KIF21A: variants seen among roughly 807,000 people sequenced by gnomAD.
The protein encoded by KIF21A is kinesin-like protein KIF21A.
Under a neutral mutation model 202.9 loss-of-function variants are expected in KIF21A, and 114 were observed. The observed-to-expected ratio is 0.56, with a 90% CI of 0.48 to 0.66. KIF21A has a LOEUF of 0.66. Ranked by LOEUF, KIF21A falls within the 30% of genes least tolerant of loss-of-function variation. The pLI is 0.00. For missense variants in KIF21A, 1,677 were observed against 1,994.9 expected, an observed-to-expected ratio of 0.84 and a Z score of 3.04; for synonymous variants, 667 against 670.8, an observed-to-expected ratio of 0.99 and a Z score of 0.09.
intron 1 of KIF21A, among the ~76,000 whole-genome samples, chr12:39,372,001 T>A (rs1273513260): frequency 6.7e-6 from 1 of 149,546 alleles, no homozygotes; most frequent in Non-Finnish European, 1.5e-5. Flanking sequence ...TTTAAAGGAA[T>A]CTGGTCTCAT....
intron 27 of KIF21A, among the ~76,000 whole-genome samples, chr12:39,320,253 C>A (rs1386271515): frequency 2.0e-5 from 3 of 152,088 alleles, no homozygotes; most frequent in Admixed American, 2.0e-4. Context: ...AACTTACTAT[C>A]TTTGAATATA....
chr12:39,328,710 A>G (rs1592173092), intron 24 of KIF21A, among the ~76,000 whole-genome samples: 1 of 152,308 alleles, frequency 6.6e-6, no homozygotes, highest in African/African-American at 2.4e-5. Flanking sequence ...ACCTGTTTGT[A>G]GGCCTCAGGC....
intron 1 of KIF21A, among the ~76,000 whole-genome samples, chr12:39,371,083 T>C (rs973294518): frequency 7.9e-5 from 12 of 152,176 alleles, no homozygotes; most frequent in Non-Finnish European, 1.6e-4. Context: ...AAATAGTTAT[T>C]ATACTGCATT....
At chr12:39,440,882 G>A (rs1021114850) in intron 1 of KIF21A, among the ~76,000 whole-genome samples, 1 of 152,052 alleles carries the variant, frequency 6.6e-6, no homozygotes, top group Admixed American at 6.5e-5. Flanking sequence ...AAGCAGTGTG[G>A]CACATGCCTG....
At position 39,355,188 on chromosome 12, in the gene KIF21A, T is replaced by C. The variant is rs548532173; in HGVS notation, c.1469+1644A>G. ...ACTCAGAGCCCATGAGTCATCTCTGTTCTCTAAATGGCTTAAGGAAGGAAT... is the reference window on the plus strand; with the variant it reads ...ACTCAGAGCCCATGAGTCATCTCTGCTCTCTAAATGGCTTAAGGAAGGAAT... On this transcript the variant is annotated intron_variant, in intron 10 of 37. Transcript: ENST00000361418. Among the ~76,000 whole-genome samples the C allele has an allele frequency of 2.0e-5, 3 of 152,282 alleles. No homozygotes were observed. In the East Asian group the frequency reaches 5.8e-4, roughly 29 times the overall value.
chr12:39,379,241 T>G (rs1237076845), intron 1 of KIF21A, among the ~76,000 whole-genome samples: 1 of 151,466 alleles, frequency 6.6e-6, no homozygotes, highest in African/African-American at 2.4e-5. Context: ...CGCTTGAGAA[T>G]TGCTTGAACA....
intron 1 of KIF21A, among the ~76,000 whole-genome samples, chr12:39,436,874 TAAC>T (rs1378829417): frequency 2.6e-5 from 4 of 152,184 alleles, no homozygotes; most frequent in Admixed American, 1.3e-4. Context: ...GCAGTGAAAA[TAAC>T]AACAACTTTG....
intron 16 of KIF21A, among the ~76,000 whole-genome samples, chr12:39,338,366 G>A (rs959965150): frequency 1.3e-5 from 2 of 152,040 alleles, no homozygotes; most frequent in African/African-American, 4.8e-5. Flanking sequence ...TTTCAAAAGA[G>A]TCAAAAAGTT....
At chr12:39,316,572 T>C (rs562808893) in intron 29 of KIF21A, among the ~76,000 whole-genome samples, 1 of 152,178 alleles carries the variant, frequency 6.6e-6, no homozygotes, top group South Asian at 2.1e-4. Flanking sequence ...TCACTTCTGT[T>C]AGCCCTACCT....
chr12:39,418,110 A>T (rs556331083), intron 1 of KIF21A, among the ~76,000 whole-genome samples: 6 of 152,116 alleles, frequency 3.9e-5, no homozygotes, highest in African/African-American at 7.2e-5. Flanking sequence ...CATGGCGCTA[A>T]GGCAGGAGGA....
chr12:39,417,257 G>A (rs868599506), intron 1 of KIF21A, among the ~76,000 whole-genome samples: 13 of 152,170 alleles, frequency 8.5e-5, no homozygotes, highest in Non-Finnish European at 1.3e-4. Flanking sequence ...TGGGGGTGGG[G>A]AAGAACCTTG....
At chr12:39,326,728 C>T (rs1165160291) in intron 24 of KIF21A, among the ~76,000 whole-genome samples, 3 of 152,158 alleles carry the variant, frequency 2.0e-5, no homozygotes, top group African/African-American at 2.4e-5. Flanking sequence ...AAGAATACTA[C>T]ATAAAGTGTA....
In KIF21A at chr12:39,305,046, T is replaced by G; in HGVS notation, c.4443-108A>C. Reference sequence around the variant, plus strand: ...TCTTTCATAAAATAATTCACTAACTTTTTTTTTTCTTTGTATATGTTTAGA... The same window carrying G: ...TCTTTCATAAAATAATTCACTAACTGTTTTTTTTCTTTGTATATGTTTAGA... On this transcript the variant is annotated intron_variant, in intron 34 of 37. Coordinates refer to ENST00000361418, the MANE Select transcript of KIF21A (RefSeq NM_001173464.2). 5.9e-6 allele frequency: 4 copies of G among 675,762 alleles called. No homozygotes were observed. The South Asian group carries it at 6.5e-5, about 11-fold the overall frequency. 41.9% of individuals were successfully genotyped at this position (675,762 alleles called of 1,614,324 possible). A position where few individuals can be genotyped will look rare whatever the true frequency, so the allele number is the denominator to read the frequency against.
At chr12:39,317,567 T>C (rs1944692597) in intron 29 of KIF21A, among the ~76,000 whole-genome samples, 1 of 152,192 alleles carries the variant, frequency 6.6e-6, no homozygotes, top group Non-Finnish European at 1.5e-5. Flanking sequence ...AAGGTGATTT[T>C]TTATTCCAAG....
chr12:39,362,665 T>TA (rs201884377), intron 7 of KIF21A, among the ~76,000 whole-genome samples: 435 of 148,698 alleles, frequency 2.9e-3, no homozygotes, highest in African/African-American at 6.0e-3. Flanking sequence ...GAAGACTTTG[T>TA]AAAAAAAAAA....
intron 36 of KIF21A, among the ~76,000 whole-genome samples, chr12:39,302,559 A>G (rs977864513): frequency 6.6e-6 from 1 of 152,226 alleles, no homozygotes; most frequent in African/African-American, 2.4e-5. Context: ...GATGCATGAA[A>G]ATGCTCTTAC....
chr12:39,340,930 T>C lies in KIF21A; in HGVS notation c.2086A>G (p.Arg696Gly). ...QHKIRDTQLE[R>G]DQVLQNLGSV... ...CCTAAGTTTTGAAGCACCTGGTCTC[T>C]TTCAAGCTGAGTATCCCGAATTTTA... is the stretch of plus-strand genomic sequence containing the variant. The change falls in exon 15 of 38, where the codon AGA becomes GGA. Residue 696 changes from arginine (R) to glycine (G), a missense_variant. Coordinates refer to ENST00000361418, the MANE Select transcript of KIF21A (RefSeq NM_001173464.2). 6.2e-7 allele frequency: 1 copy of C among 1,612,806 alleles called. No homozygotes were observed. Among genetic ancestry groups the C allele is most frequent in the Non-Finnish European group, 8.5e-7 (1 of 1,179,106 alleles).
intron 1 of KIF21A, among the ~76,000 whole-genome samples, chr12:39,428,784 C>A (rs541978244): frequency 4.1e-4 from 62 of 151,920 alleles, no homozygotes; most frequent in Non-Finnish European, 7.8e-4. Flanking sequence ...ATGGTGAAAC[C>A]CTGGCTCTAC....
intron 26 of KIF21A, among the ~76,000 whole-genome samples, chr12:39,324,358 T>C (rs1228864851): frequency 6.6e-6 from 1 of 152,202 alleles, no homozygotes; most frequent in East Asian, 1.9e-4. Context: ...TGTCCCACAG[T>C]GGCATAACTA....
Sources: gnomAD v4.1 joint callset for allele counts (sites outside exome capture counted in the v4.1 genomes callset) on GRCh38, gnomAD v4.1.1 for gene constraint, MANE v1.5 for transcripts, NCBI Gene and HGNC (gene_info 2026-07-23, HGNC 2026-07-21) for gene names.